DSE: variants seen among roughly 807,000 people sequenced by gnomAD.
DSE encodes the protein dermatan-sulfate epimerase.
In DSE, 36 loss-of-function variants were observed where a neutral mutation model predicts 84.4. The ratio of observed to expected loss-of-function variants is 0.43; its 90% confidence interval spans 0.33 to 0.56. The LOEUF is 0.56. Ranked by LOEUF, DSE falls within the 20% of genes least tolerant of loss-of-function variation. DSE has a pLI of 0.06. For synonymous variants in DSE, 410 were observed against 430.1 expected, an observed-to-expected ratio of 0.95 and a Z score of 0.58; for missense variants, 862 against 1,169.6, an observed-to-expected ratio of 0.74 and a Z score of 3.84.
rs1420695239 is a variant in DSE, at chr6:116,438,218, T to C, written c.*873T>C. 1 of 152,584 alleles carries C rather than the reference T, an allele frequency of 6.6e-6. No homozygotes were observed. The highest frequency in any genetic ancestry group is 2.4e-5 in the African/African-American group (1 of 41,450). The allele number at this position is 152,584 out of a possible 1,614,324, so 9.5% of individuals were successfully genotyped here. On this transcript the variant is annotated 3_prime_UTR_variant, in exon 6 of 6. Transcript: ENST00000644252. ...GTCTAAAATTTGGATATGATTCTTA[T>C]GTTTTTTTAATAGAAAACCTTCTTC... is the stretch of plus-strand genomic sequence containing the variant.
At chr6:116,312,051 C>G (rs1200127068) in intron 2 of DSE, among the ~76,000 whole-genome samples, 5 of 152,116 alleles carry the variant, frequency 3.3e-5, no homozygotes, top group African/African-American at 9.7e-5. Flanking sequence ...CCATATGCTA[C>G]CCCTCATCTT....
intron 2 of DSE, among the ~76,000 whole-genome samples, chr6:116,313,907 G>C (rs1775831639): frequency 6.6e-6 from 1 of 152,122 alleles, no homozygotes; most frequent in African/African-American, 2.4e-5. Context: ...GCTAACTTAT[G>C]TCCTGAATCA....
At chr6:116,275,982 C>T (rs752109258) in intron 2 of DSE, among the ~76,000 whole-genome samples, 3 of 152,184 alleles carry the variant, frequency 2.0e-5, no homozygotes, top group Non-Finnish European at 4.4e-5. Context: ...ATCAGTCCTT[C>T]CCCAGTTCCC....
chr6:116,279,459 G>T (rs775290933), intron 2 of DSE: 4 of 1,613,086 alleles, frequency 2.5e-6, no homozygotes, highest in African/African-American at 2.7e-5. Flanking sequence ...CACCCTGAAC[G>T]CCCTTTTTCA....
rs754023509 is a variant in DSE at position 116,399,386 on chromosome 6, C to T, written c.136C>T (p.Leu46=). The T allele has an allele frequency of 1.4e-5, 23 of 1,614,140 alleles. No individual in the cohort carries two copies. The South Asian group carries it at 2.2e-4, about 15-fold the overall frequency. ...TGCCAACTACGACAGCCATCCCATGCTGTACTTCTCCAGGGCAGAAGTGGC... is the reference window on the plus strand; with the variant it reads ...TGCCAACTACGACAGCCATCCCATGTTGTACTTCTCCAGGGCAGAAGTGGC... ...TNANYDSHPM[L]YFSRAEVAEL... Residue 46 remains leucine, a synonymous_variant, in exon 2 of 6, where the codon CTG becomes TTG. Transcript: ENST00000644252.
intron 2 of DSE, among the ~76,000 whole-genome samples, chr6:116,346,275 C>A (rs1324395539): frequency 6.6e-6 from 1 of 152,112 alleles, no homozygotes. Context: ...TTTATGAGGC[C>A]AGCATCATCC....
intron 2 of DSE, among the ~76,000 whole-genome samples, chr6:116,330,846 G>A (rs1395345504): frequency 6.6e-6 from 1 of 151,976 alleles, no homozygotes; most frequent in African/African-American, 2.4e-5. Flanking sequence ...TAAATGATGA[G>A]GAAAAATTGC....
At chr6:116,416,638 C>T (rs1014781937) in intron 2 of DSE, among the ~76,000 whole-genome samples, 5 of 151,912 alleles carry the variant, frequency 3.3e-5, no homozygotes, top group Non-Finnish European at 7.4e-5. Context: ...TCAGTTCTTG[C>T]CCAAGCCAAC....
Position 116,328,741 on chromosome 6 carries a change from G to A in DSE, c.-54+69774G>A, listed in dbSNP as rs539701395. Among the ~76,000 whole-genome samples, 233 of 152,200 alleles carry A rather than the reference G, an allele frequency of 1.5e-3. 1 individual carries two copies. Among genetic ancestry groups the A allele is most frequent in the Non-Finnish European group, 2.6e-3 (178 of 68,004 alleles). On this transcript the variant is annotated intron_variant, in intron 2 of 3. Transcript: ENST00000430252. ...ACTTTATTCTTCTTATAATTACTTG[G>A]AATCTCTTAATTCCAGAAGACTATC...
intron 2 of DSE, among the ~76,000 whole-genome samples, chr6:116,313,762 A>G (rs1204360128): frequency 6.6e-6 from 1 of 152,194 alleles, no homozygotes; most frequent in Non-Finnish European, 1.5e-5. Context: ...CATTGGGTGA[A>G]TCGGTTCATA....
At chr6:116,350,739 C>A (rs1778260132) in intron 2 of DSE, among the ~76,000 whole-genome samples, 1 of 152,088 alleles carries the variant, frequency 6.6e-6, no homozygotes, top group Non-Finnish European at 1.5e-5. Flanking sequence ...TGATGATATT[C>A]TCAAAGATGA....
chr6:116,430,994 G>C lies in DSE; in HGVS notation c.711G>C (p.Leu237=), dbSNP rs140034597. 7.6e-3 allele frequency: 12,333 copies of C among 1,613,968 alleles called. 65 individuals carry two copies. Among genetic ancestry groups the C allele is most frequent in the Non-Finnish European group, 9.5e-3 (11,200 of 1,180,040 alleles). The change falls in exon 4 of 6, where the codon CTG becomes CTC. Residue 237 remains leucine (L), a synonymous_variant. Transcript: ENST00000644252. ...QEAYLWTKQV[L]TIMEKSLVLL... The stretch of plus-strand genomic sequence containing the variant: ...CCTACTTATGGACCAAACAAGTTCT[G>C]ACCATCATGGAGAAATCTCTGGTCT...
At chr6:116,388,990 G>A (rs1247859750) in intron 1 of DSE, among the ~76,000 whole-genome samples, 1 of 152,148 alleles carries the variant, frequency 6.6e-6, no homozygotes, top group Non-Finnish European at 1.5e-5. Context: ...GAGACTGCAA[G>A]GTTGAGAATA....
chr6:116,318,976 A>G (rs1776146832), intron 2 of DSE, among the ~76,000 whole-genome samples: 1 of 152,224 alleles, frequency 6.6e-6, no homozygotes, highest in Non-Finnish European at 1.5e-5. Context: ...TTTTCTGTTT[A>G]GGATGAAACC....
intron 1 of DSE, chr6:116,255,526 A>G (rs1772106509): frequency 6.6e-6 from 1 of 152,244 alleles, no homozygotes; most frequent in Non-Finnish European, 1.5e-5. Flanking sequence ...AAATATGCAA[A>G]CAAGATTCAC....
intron 1 of DSE, among the ~76,000 whole-genome samples, chr6:116,388,996 G>A (rs1483878273): frequency 6.6e-6 from 1 of 152,152 alleles, no homozygotes; most frequent in Non-Finnish European, 1.5e-5. Flanking sequence ...GCAAGGTTGA[G>A]AATAAACAAT....
rs531799974 is a variant in DSE at position 116,409,571 on chromosome 6, G to A, written c.416+9905G>A. On this transcript the variant is annotated intron_variant, in intron 2 of 5. Coordinates refer to ENST00000644252, the MANE Select transcript of DSE (RefSeq NM_013352.4). ...TGGGATTACAGGCGTGAGCCAACACGCCCGGCCAATATAAGTTTATTGTAT... is the reference window on the plus strand; with the variant it reads ...TGGGATTACAGGCGTGAGCCAACACACCCGGCCAATATAAGTTTATTGTAT... 7.9e-5 allele frequency among the ~76,000 whole-genome samples: 12 copies of A among 152,286 alleles called. No individual in the cohort carries two copies. In the East Asian group the frequency reaches 9.7e-4, roughly 12 times the overall value.
rs147141439 is a variant in DSE at position 116,285,701 on chromosome 6, G to A, written c.-54+26734G>A. Among the ~76,000 whole-genome samples the A allele has an allele frequency of 2.3e-3, 355 of 152,224 alleles. 2 individuals carry two copies. The highest frequency in any genetic ancestry group is 8.1e-3 in the African/African-American group (338 of 41,524). On this transcript the variant is annotated intron_variant, in intron 2 of 3. Transcript: ENST00000430252. ...CCATCTTGAATTAATTTTTGTATGC[G>A]GTGTAAGGAAGGGATCCAATTTCAG...
chr6:116,260,935 C>T (rs1318419938), intron 2 of DSE, among the ~76,000 whole-genome samples: 1 of 152,088 alleles, frequency 6.6e-6, no homozygotes, highest in African/African-American at 2.4e-5. Flanking sequence ...AAGATTTGTT[C>T]TTTTTGTTTA....
Sources: allele counts gnomAD v4.1 joint callset (sites outside exome capture counted in the v4.1 genomes callset), GRCh38; gene constraint gnomAD v4.1.1; transcripts MANE v1.5; gene names NCBI Gene and HGNC (gene_info 2026-07-23, HGNC 2026-07-21).